The following PRKN variants were observed in gnomAD, a reference collection of about 807,000 sequenced individuals.
PRKN encodes the protein E3 ubiquitin-protein ligase parkin.
A neutral mutation model predicts 59.5 loss-of-function variants in PRKN; 56 were observed. That is an observed-to-expected ratio of 0.94 (90% CI 0.76 to 1.18). The LOEUF (loss-of-function observed/expected upper bound fraction) is 1.18, where lower values mean the gene tolerates loss of function less well. PRKN is among the 50% of genes most tolerant of loss of function. The pLI is 0.00. For synonymous variants in PRKN, 250 were observed against 222.1 expected (o/e 1.13, Z -1.12); for missense variants, 657 against 596.4 (o/e 1.10, Z -1.06).
chr6:161,816,113 T>C (rs1457618350), intron 6 of PRKN, among the ~76,000 whole-genome samples: 2 of 152,112 alleles, frequency 1.3e-5, no homozygotes, highest in East Asian at 3.9e-4. Context: ...GTTCCTCAAC[T>C]GATGAGTGAA....
At chr6:161,725,791 G>T (rs959691219) in intron 7 of PRKN, among the ~76,000 whole-genome samples, 2 of 152,170 alleles carry the variant, frequency 1.3e-5, no homozygotes, top group Non-Finnish European at 2.9e-5. Flanking sequence ...CATTAAATGA[G>T]ATGATTTTGG....
At chr6:162,700,016 C>T (rs535925475) in intron 1 of PRKN, among the ~76,000 whole-genome samples, 74 of 152,288 alleles carry the variant, frequency 4.9e-4, no homozygotes, top group Middle Eastern at 3.4e-3. Context: ...AAGCACTTCA[C>T]ACAAATAATC....
intron 9 of PRKN, among the ~76,000 whole-genome samples, chr6:161,522,616 C>T (rs889494470): frequency 1.3e-5 from 2 of 152,214 alleles, no homozygotes; most frequent in East Asian, 1.9e-4. Context: ...GCAACAGCTT[C>T]GAGAAGTACA....
At chr6:162,262,955 G>A (rs183803720) in intron 2 of PRKN, among the ~76,000 whole-genome samples, 190 bp from the exon 3 acceptor site, 66 of 152,230 alleles carry the variant, frequency 4.3e-4, no homozygotes, top group South Asian at 8.3e-4. Flanking sequence ...CTGAACTGGG[G>A]CCAGAAACAG....
chr6:162,214,771 T>C (rs1201138697), intron 3 of PRKN, among the ~76,000 whole-genome samples: 1 of 152,224 alleles, frequency 6.6e-6, no homozygotes, highest in East Asian at 1.9e-4. Flanking sequence ...TCTGAATTGG[T>C]CATGGTATCT....
intron 1 of PRKN, among the ~76,000 whole-genome samples, chr6:162,632,549 C>G (rs1484232567): frequency 2.6e-5 from 4 of 152,106 alleles, no homozygotes; most frequent in Non-Finnish European, 5.9e-5. Context: ...GGCTACTATG[C>G]TCACTACCTG....
rs1035625905 is a variant in PRKN at position 161,377,356 on chromosome 6, C to A, written c.1167+9438G>T. On this transcript the variant is annotated intron_variant, in intron 10 of 11. Transcript: ENST00000366898. This position sits in a 1 kb window ranked among gnomAD's most constrained non-coding sequence, Gnocchi z 4.2. ...CCTCAGACCCCCGTGCCATCCACAC[C>A]GTGGCATGACTGCCTCTCCTTGGGC... Among the ~76,000 whole-genome samples the A allele has an allele frequency of 6.6e-6, 1 of 152,246 alleles. No individual in the cohort carries two copies. Among genetic ancestry groups the A allele is most frequent in the South Asian group, 2.1e-4 (1 of 4,834 alleles).
intron 6 of PRKN, among the ~76,000 whole-genome samples, chr6:161,798,300 C>T (rs1790936490): frequency 6.6e-6 from 1 of 152,098 alleles, no homozygotes; most frequent in Admixed American, 6.6e-5. Context: ...GACTGTCCAC[C>T]CAGCACATGG....
At chr6:161,481,001 G>A (rs1397990102) in intron 9 of PRKN, among the ~76,000 whole-genome samples, 1 of 152,244 alleles carries the variant, frequency 6.6e-6, no homozygotes, top group Non-Finnish European at 1.5e-5. Context: ...AGGGAAGCAC[G>A]AGACGCGGGC....
At chr6:162,530,481 G>A (rs1221279152) in intron 1 of PRKN, among the ~76,000 whole-genome samples, 1 of 152,150 alleles carries the variant, frequency 6.6e-6, no homozygotes, top group African/African-American at 2.4e-5. Flanking sequence ...CCGGGTTAAA[G>A]TCCGAGACCC....
At chr6:162,498,394 T>C (rs1025199579) in intron 1 of PRKN, among the ~76,000 whole-genome samples, 1 of 39,020 alleles carries the variant, frequency 2.6e-5, no homozygotes, top group Non-Finnish European at 5.9e-5. Context: ...CTTTCTTTCC[T>C]TTTTTTTTTT....
chr6:162,215,214 G>T (rs1454509857), intron 3 of PRKN, among the ~76,000 whole-genome samples: 2 of 152,130 alleles, frequency 1.3e-5, no homozygotes, highest in Non-Finnish European at 2.9e-5. Flanking sequence ...CCAGGCTTTA[G>T]ATTCTTTTGA....
intron 9 of PRKN, among the ~76,000 whole-genome samples, chr6:161,404,188 C>T (rs886614511): frequency 1.3e-5 from 2 of 152,166 alleles, no homozygotes; most frequent in African/African-American, 2.4e-5. Context: ...TATCCATCAT[C>T]CCTACTAGAC....
At chr6:161,745,787 G>A (rs1037661123) in intron 7 of PRKN, among the ~76,000 whole-genome samples, 6 of 152,192 alleles carry the variant, frequency 3.9e-5, no homozygotes, top group African/African-American at 1.4e-4. Context: ...CAGCCCGACT[G>A]GAAGAACAAG....
rs193258929 is a variant in PRKN, at chr6:161,623,690, A to G, written c.872-54274T>C. Among the ~76,000 whole-genome samples the G allele has an allele frequency of 3.9e-5, 6 of 152,302 alleles. No homozygotes were observed. The East Asian group carries it at 1.2e-3, about 29-fold the overall frequency. On this transcript the variant is annotated intron_variant, in intron 7 of 11. Coordinates refer to ENST00000366898, the MANE Select transcript of PRKN (RefSeq NM_004562.3). ...CATAACTACCTTAGTGCCTGTGTAT[A>G]CTCTCTAACACCCATTATTTTCCTA... is the stretch of plus-strand genomic sequence containing the variant.
intron 7 of PRKN, among the ~76,000 whole-genome samples, chr6:161,622,638 T>C (rs1224343252): frequency 2.0e-5 from 3 of 152,214 alleles, no homozygotes; most frequent in African/African-American, 7.2e-5. Flanking sequence ...CTTCTGTCTC[T>C]TATCTGACCA....
At chr6:161,838,225 A>AATT (rs1199704818) in intron 6 of PRKN, among the ~76,000 whole-genome samples, 1 of 152,200 alleles carries the variant, frequency 6.6e-6, no homozygotes, top group Non-Finnish European at 1.5e-5. Flanking sequence ...TTTACTAGAA[A>AATT]ATTAAATAAC....
chr6:162,287,457 A>G (rs866988330), intron 2 of PRKN, among the ~76,000 whole-genome samples: 1 of 152,022 alleles, frequency 6.6e-6, no homozygotes, highest in African/African-American at 2.4e-5. Flanking sequence ...GGCCCCAGAT[A>G]CTCAGGAGGC....
chr6:162,499,838 AG>A (rs1793278899), intron 1 of PRKN, among the ~76,000 whole-genome samples: 1 of 152,190 alleles, frequency 6.6e-6, no homozygotes, highest in South Asian at 2.1e-4. Context: ...TACTTATGAC[AG>A]GTCTCTGATA....
Sources: allele counts gnomAD v4.1 joint callset (sites outside exome capture counted in the v4.1 genomes callset), GRCh38; gene constraint gnomAD v4.1.1; non-coding constraint Gnocchi (gnomAD v3.1); transcripts MANE v1.5; gene names NCBI Gene and HGNC (gene_info 2026-07-23, HGNC 2026-07-21).